MAP7: variants seen among roughly 807,000 people sequenced by gnomAD.
The protein encoded by MAP7 is microtubule associated protein 7, also known as ensconsin.
Under a neutral mutation model 94.8 loss-of-function variants are expected in MAP7, and 52 were observed. The observed-to-expected ratio is 0.55, with a 90% CI of 0.44 to 0.69. MAP7 has a LOEUF of 0.69. Among genes scored for constraint, MAP7 ranks in the 30% least tolerant of loss-of-function variants. MAP7 has a pLI of 0.00. For missense variants in MAP7, 940 were observed against 964.6 expected, an observed-to-expected ratio of 0.97 and a Z score of 0.34; for synonymous variants, 350 against 357.0, an observed-to-expected ratio of 0.98 and a Z score of 0.22.
Position 136,389,512 on chromosome 6 carries a change from T to C in MAP7, c.250A>G (p.Arg84Gly). 1 of 1,607,266 alleles carries C rather than the reference T, an allele frequency of 6.2e-7. No individual in the cohort carries two copies. Among genetic ancestry groups the C allele is most frequent in the Non-Finnish European group, 8.5e-7 (1 of 1,179,034 alleles). Residue 84 changes from arginine (R) to glycine (G), a missense_variant, in exon 4 of 18, where the codon AGA (arginine) becomes GGA (glycine). Coordinates refer to ENST00000354570, the MANE Select transcript of MAP7 (RefSeq NM_003980.6). Reference protein sequence around the residue: ...REEREKQLAAREIVWLEREER... With the variant: ...REEREKQLAAGEIVWLEREER... ...TCTCTTTCTAACCACACTATTTCTC[T>C]TGCAGCTTTGGGGAGGGTTAAAAAA...
intron 1 of MAP7, among the ~76,000 whole-genome samples, chr6:136,449,523 A>G (rs1800454343): frequency 6.6e-6 from 1 of 152,234 alleles, no homozygotes; most frequent in African/African-American, 2.4e-5. Context: ...CCGATTGGTT[A>G]CAGCCCGGCA....
chr6:136,424,481 TACAA>T (rs577484191), intron 1 of MAP7, among the ~76,000 whole-genome samples: 44 of 152,296 alleles, frequency 2.9e-4, no homozygotes, highest in African/African-American at 1.0e-3. Context: ...AGAGGAAGGA[TACAA>T]ACAAGCACCC....
chr6:136,514,580 C>CAAAAAAAAAAAAAAAAAA (rs1046225937), intron 1 of MAP7, among the ~76,000 whole-genome samples: 3 of 49,054 alleles, frequency 6.1e-5, no homozygotes, highest in African/African-American at 1.3e-4. Flanking sequence ...GACTCTGTCT[C>CAAAAAAAAAAAAAAAAAA]AAAAAAAAAA....
intron 1 of MAP7, among the ~76,000 whole-genome samples, chr6:136,469,515 G>C (rs1260963109): frequency 6.6e-6 from 1 of 152,106 alleles, no homozygotes; most frequent in African/African-American, 2.4e-5. Context: ...TCGAGTAGCT[G>C]GGACCACAGG....
Position 136,483,129 on chromosome 6 carries a change from C to CAAAAAAAA in MAP7, c.68-61338_68-61331dup, listed in dbSNP as rs57320038. On this transcript the variant is annotated intron_variant, in intron 1 of 17. Transcript: ENST00000354570. Reference sequence around the variant, plus strand: ...AGTGAATAAAAAGTGAAGTATCTTTCAAAAAAAAAAAAAAAAAAGAAAAGA... The same window carrying CAAAAAAAA: ...AGTGAATAAAAAGTGAAGTATCTTTCAAAAAAAAAAAAAAAAAAAAAAAAAAGAAAAGA... 9.6e-5 allele frequency among the ~76,000 whole-genome samples: 8 copies of CAAAAAAAA among 83,144 alleles called. No individual in the cohort carries two copies. In the East Asian group the frequency reaches 1.5e-3, roughly 15 times the overall value. The allele number at this position is 83,144 out of a possible 152,430, so 54.5% of individuals were successfully genotyped here.
chr6:136,520,501 G>GGA (rs1008089295), intron 1 of MAP7, among the ~76,000 whole-genome samples: 3 of 152,188 alleles, frequency 2.0e-5, no homozygotes, highest in Non-Finnish European at 4.4e-5. Context: ...GGTATAAAGA[G>GGA]GAGTGAGTCC....
At chr6:136,469,417 T>C (rs185858699) in intron 1 of MAP7, among the ~76,000 whole-genome samples, 1 of 152,158 alleles carries the variant, frequency 6.6e-6, no homozygotes, top group Non-Finnish European at 1.5e-5. Flanking sequence ...AAGGTCTCAT[T>C]GTCACCCAGG....
intron 1 of MAP7, among the ~76,000 whole-genome samples, chr6:136,547,351 T>C (rs989244024): frequency 1.3e-5 from 2 of 152,354 alleles, no homozygotes; most frequent in African/African-American, 4.8e-5. Flanking sequence ...AGCTTTAAAT[T>C]TGCTTTTAGT....
intron 9 of MAP7, 69 bp from the exon 10 acceptor site, chr6:136,366,087 C>G: frequency 6.8e-7 from 1 of 1,474,986 alleles, no homozygotes; most frequent in Non-Finnish European, 9.1e-7. Flanking sequence ...ACCTAGAACA[C>G]GACTCGATGG....
chr6:136,521,935 G>A (rs1416809605), intron 1 of MAP7, among the ~76,000 whole-genome samples: 1 of 152,084 alleles, frequency 6.6e-6, no homozygotes, highest in Non-Finnish European at 1.5e-5. Context: ...TGCATTATTT[G>A]TACACATTTT....
chr6:136,451,017 C>T (rs1010946509), intron 1 of MAP7, among the ~76,000 whole-genome samples: 11 of 152,022 alleles, frequency 7.2e-5, no homozygotes, highest in African/African-American at 2.7e-4. Flanking sequence ...AGCAAGTTAC[C>T]CTTTTGTAAG....
chr6:136,513,413 A>G lies in MAP7; in HGVS notation c.67+36929T>C, dbSNP rs563102344. Among the ~76,000 whole-genome samples the G allele has an allele frequency of 8.5e-5, 13 of 152,312 alleles. No homozygotes were observed. The East Asian group carries it at 2.5e-3, about 29-fold the overall frequency. ...TCTCAAGAAACCACTTACTTTGTTCATCCATAAGAAGAAACTAATCTGTTC... is the reference window on the plus strand; with the variant it reads ...TCTCAAGAAACCACTTACTTTGTTCGTCCATAAGAAGAAACTAATCTGTTC... On this transcript the variant is annotated intron_variant, in intron 1 of 17. Coordinates refer to ENST00000354570, the MANE Select transcript of MAP7 (RefSeq NM_003980.6).
chr6:136,428,523 G>GAATAAATA (rs373164215), intron 1 of MAP7, among the ~76,000 whole-genome samples: 187 of 151,606 alleles, frequency 1.2e-3, no homozygotes, highest in African/African-American at 4.3e-3. Flanking sequence ...CTGTCTCAAA[G>GAATAAATA]AATAAATAAA....
At chr6:136,444,053 CA>C (rs1477439250) in intron 1 of MAP7, among the ~76,000 whole-genome samples, 1 of 152,086 alleles carries the variant, frequency 6.6e-6, no homozygotes, top group African/African-American at 2.4e-5. Flanking sequence ...CATGTTATAC[CA>C]TGTCAAAATT....
At chr6:136,544,541 C>T (rs1829574231) in intron 1 of MAP7, among the ~76,000 whole-genome samples, 1 of 152,150 alleles carries the variant, frequency 6.6e-6, no homozygotes, top group African/African-American at 2.4e-5. Context: ...TGTGCTTTTC[C>T]ATCTGTCTGC....
chr6:136,383,910 A>G lies in MAP7; in HGVS notation c.527-129T>C, dbSNP rs745965337. On this transcript the variant is annotated intron_variant, in intron 5 of 17. Coordinates refer to ENST00000354570, the MANE Select transcript of MAP7 (RefSeq NM_003980.6). ...ATTTCTAGATCTGTCATAATAACAC[A>G]GTTTTCTAAGTGGACATTTTAAAGG... 8.0e-4 allele frequency: 485 copies of G among 604,798 alleles called. 7 individuals carry two copies. Among genetic ancestry groups the G allele is most frequent in the Admixed American group, 2.6e-4 (7 of 27,154 alleles). 37.5% of individuals were successfully genotyped at this position (604,798 alleles called of 1,614,324 possible).
rs144220168 is a variant in MAP7 at position 136,507,264 on chromosome 6, T to G, written c.67+43078A>C. ...GGCTTAAAGGATACCTCATGTGAATTTAATGAGTCTTCACATCCCACAGTT... is the reference window on the plus strand; with the variant it reads ...GGCTTAAAGGATACCTCATGTGAATGTAATGAGTCTTCACATCCCACAGTT... On this transcript the variant is annotated intron_variant, in intron 1 of 17. Transcript: ENST00000354570. 5.8e-3 allele frequency among the ~76,000 whole-genome samples: 876 copies of G among 151,896 alleles called. 15 individuals are homozygous for G. The highest frequency in any genetic ancestry group is 0.02 in the African/African-American group (815 of 41,434).
At chr6:136,458,069 A>C (rs964644265) in intron 1 of MAP7, among the ~76,000 whole-genome samples, 1 of 152,206 alleles carries the variant, frequency 6.6e-6, no homozygotes, top group Non-Finnish European at 1.5e-5. Context: ...AGGACTAATA[A>C]AGGAATTCAG....
intron 1 of MAP7, among the ~76,000 whole-genome samples, chr6:136,494,103 T>C (rs1171892181): frequency 6.6e-6 from 1 of 152,190 alleles, no homozygotes; most frequent in Non-Finnish European, 1.5e-5. Context: ...CCTATCTTAG[T>C]GTAACAGGCA....
Sources: gnomAD v4.1 joint callset for allele counts (sites outside exome capture counted in the v4.1 genomes callset) on GRCh38, gnomAD v4.1.1 for gene constraint, MANE v1.5 for transcripts, NCBI Gene and HGNC (gene_info 2026-07-23, HGNC 2026-07-21) for gene names.